Variants in PDZD2 observed in about 807,000 individuals in gnomAD.
PDZD2 encodes PDZ domain-containing protein 2.
PDZD2 carries 90 observed loss-of-function variants against 220.7 expected under a neutral mutation model. The ratio of observed to expected loss-of-function variants is 0.41; its 90% CI spans 0.34 to 0.49. PDZD2 has a LOEUF of 0.49. Among genes scored for constraint, PDZD2 ranks in the 20% least tolerant of loss-of-function variants. The pLI is 0.28. For synonymous variants in PDZD2, 1,375 were observed against 1,450.5 expected (o/e 0.95, Z 1.18); for missense variants, 3,174 against 3,608.5 (o/e 0.88, Z 3.08).
chr5:31,661,173 C>G (rs1443415166), intron 1 of PDZD2, among the ~76,000 whole-genome samples: 1 of 152,192 alleles, frequency 6.6e-6, no homozygotes, highest in Non-Finnish European at 1.5e-5. Flanking sequence ...AATGCAGGTC[C>G]TGGCTTCGGA....
chr5:31,802,919 C>CAAAAAAAA (rs34901917), intron 2 of PDZD2, among the ~76,000 whole-genome samples: 1 of 56,180 alleles, frequency 1.8e-5, no homozygotes, highest in African/African-American at 7.0e-5. Flanking sequence ...GACTCTGTCT[C>CAAAAAAAA]AAAAAAAAAA....
rs34927911 is a variant in PDZD2, at chr5:31,881,319, CAT to C, written c.476+81602_476+81603del. Among the ~76,000 whole-genome samples, 660 of 119,810 alleles carry C rather than the reference CAT, an allele frequency of 5.5e-3. 3 individuals carry two copies. The highest frequency in any genetic ancestry group is 0.017 in the African/African-American group (512 of 29,640). 78.6% of individuals were successfully genotyped at this position (119,810 alleles called of 152,430 possible). On this transcript the variant is annotated intron_variant, in intron 2 of 24. Coordinates refer to ENST00000438447, the MANE Select transcript of PDZD2 (RefSeq NM_178140.4). ...ACACTGACTTGTCTCATCCCATTTC[CAT>C]ATATATGTGTGTGTGTGTGTGTGTG...
chr5:31,783,488 G>C (rs1052589327), intron 1 of PDZD2, among the ~76,000 whole-genome samples: 4 of 152,132 alleles, frequency 2.6e-5, no homozygotes, highest in African/African-American at 4.8e-5. Context: ...ACAAGTCTTC[G>C]GTTATTTTCA....
chr5:31,662,267 C>T (rs1490039141), intron 1 of PDZD2, among the ~76,000 whole-genome samples: 50 of 152,164 alleles, frequency 3.3e-4, no homozygotes, highest in East Asian at 3.9e-4. Flanking sequence ...GCTGACATCA[C>T]GCCATTGCAC....
At chr5:31,757,661 C>CTGG (rs1751376952) in intron 1 of PDZD2, among the ~76,000 whole-genome samples, 2 of 151,940 alleles carry the variant, frequency 1.3e-5, no homozygotes, top group Admixed American at 6.6e-5. Flanking sequence ...TGAGGTGACG[C>CTGG]TGGCTAATTG....
intron 1 of PDZD2, among the ~76,000 whole-genome samples, chr5:31,741,407 C>A (rs12517001): frequency 0.33 from 50,251 of 150,168 alleles, 8,579 homozygotes; most frequent in East Asian, 0.4. Context: ...TTTTTTTAGA[C>A]GTTTGTTACT....
rs372070486 is a variant in PDZD2, at chr5:32,077,482, C to T, written c.3558C>T (p.Thr1186=). 23 of 1,613,950 alleles carry T rather than the reference C, an allele frequency of 1.4e-5. No homozygotes were observed. The highest frequency in any genetic ancestry group is 1.9e-5 in the Non-Finnish European group (22 of 1,179,972). ...GCCAGGAATCTCTGGGAAAGCTGAC[C>T]ACTGGAGATGCTTGTGTCTCTACCA... The part of the protein sequence containing the change: ...AVEKESLGKL[T]TGDACVSTSC... Residue 1186 remains threonine (T), a synonymous_variant, in exon 19 of 25, where the codon ACC becomes ACT. Transcript: ENST00000438447.
At chr5:31,828,911 A>C (rs894255803) in intron 2 of PDZD2, among the ~76,000 whole-genome samples, 1 of 152,242 alleles carries the variant, frequency 6.6e-6, no homozygotes. Context: ...ATATTTTCTC[A>C]GGCAGCTGCA....
chr5:31,813,716 C>T (rs572965642), intron 2 of PDZD2, among the ~76,000 whole-genome samples: 12 of 152,238 alleles, frequency 7.9e-5, no homozygotes, highest in South Asian at 2.1e-4. Flanking sequence ...CAAAATAAAA[C>T]GCACGGTTTT....
intron 3 of PDZD2, among the ~76,000 whole-genome samples, chr5:31,988,389 G>A (rs1432018726): frequency 6.6e-6 from 1 of 151,340 alleles, no homozygotes; most frequent in Non-Finnish European, 1.5e-5. Flanking sequence ...TACATAAGGC[G>A]AGGTCCAGAG....
chr5:31,697,861 C>G (rs1747439504), intron 1 of PDZD2, among the ~76,000 whole-genome samples: 1 of 151,900 alleles, frequency 6.6e-6, no homozygotes, highest in African/African-American at 2.4e-5. Context: ...GAAAGCAAGT[C>G]TCTACCTCCT....
At chr5:31,905,364 A>G (rs1015084994) in intron 2 of PDZD2, among the ~76,000 whole-genome samples, 1 of 152,186 alleles carries the variant, frequency 6.6e-6, no homozygotes, top group South Asian at 2.1e-4. Flanking sequence ...ACTGCCTTGC[A>G]GGTGTTCTAG....
At chr5:31,676,526 C>G (rs1191948592) in intron 1 of PDZD2, among the ~76,000 whole-genome samples, 1 of 150,936 alleles carries the variant, frequency 6.6e-6, no homozygotes, top group African/African-American at 2.4e-5. Flanking sequence ...AGAAATATAA[C>G]AGCAAAAGAA....
intron 3 of PDZD2, among the ~76,000 whole-genome samples, chr5:31,986,040 A>G (rs527949339): frequency 1.4e-5 from 2 of 140,918 alleles, no homozygotes; most frequent in Non-Finnish European, 3.0e-5. Flanking sequence ...GCGCCATTGC[A>G]CTCCAGCTTG....
intron 6 of PDZD2, among the ~76,000 whole-genome samples, chr5:32,035,077 C>T (rs1229733697): frequency 1.3e-5 from 2 of 152,142 alleles, no homozygotes; most frequent in African/African-American, 4.8e-5. Context: ...CCTACGTTTC[C>T]TCATTCTCAG....
At chr5:31,904,728 G>T (rs933069029) in intron 2 of PDZD2, among the ~76,000 whole-genome samples, 8 of 152,048 alleles carry the variant, frequency 5.3e-5, no homozygotes, top group Non-Finnish European at 1.2e-4. Context: ...TTACAGGCAT[G>T]AGCCACTGCG....
At chr5:32,071,768 G>A (rs1186458884) in intron 16 of PDZD2, among the ~76,000 whole-genome samples, 1 of 152,150 alleles carries the variant, frequency 6.6e-6, no homozygotes, top group Non-Finnish European at 1.5e-5. Flanking sequence ...GAGTCTCAGT[G>A]CGTCAGGGTG....
chr5:32,030,940 T>G (rs1433086534), intron 6 of PDZD2, among the ~76,000 whole-genome samples: 6 of 152,226 alleles, frequency 3.9e-5, no homozygotes, highest in Non-Finnish European at 8.8e-5. Flanking sequence ...TACTGAGGAT[T>G]TTTTTCATTC....
At chr5:32,085,307 G>A (rs1043945743) in intron 19 of PDZD2, among the ~76,000 whole-genome samples, 1 of 148,236 alleles carries the variant, frequency 6.7e-6, no homozygotes, top group African/African-American at 2.6e-5. Context: ...AGCACAAAGT[G>A]GTACTTCAGT....
Sources: gnomAD v4.1 joint callset for allele counts (sites outside exome capture counted in the v4.1 genomes callset) on GRCh38, gnomAD v4.1.1 for gene constraint, MANE v1.5 for transcripts, NCBI Gene and HGNC (gene_info 2026-07-23, HGNC 2026-07-21) for gene names.